ABCG8: variants seen among roughly 807,000 people sequenced by gnomAD.
ABCG8 encodes ATP-binding cassette sub-family G member 8.
Under a neutral mutation model 71.3 loss-of-function variants are expected in ABCG8, and 81 were observed. That is an observed-to-expected ratio of 1.14 (90% CI 0.95 to 1.37). The LOEUF (loss-of-function observed/expected upper bound fraction) is 1.37, where lower values mean the gene tolerates loss of function less well. Among genes scored for constraint, ABCG8 ranks in the 40% most tolerant of loss-of-function variants. The pLI, the probability that ABCG8 is intolerant of heterozygous loss-of-function variation, is 0.00. For synonymous variants in ABCG8, 451 were observed against 354.7 expected (o/e 1.27, Z -3.05); for missense variants, 1,119 against 866.2 (o/e 1.29, Z -3.66).
intron 11 of ABCG8, 47 bp from the exon 12 acceptor site, chr2:43,877,514 T>C: frequency 1.2e-6 from 2 of 1,610,938 alleles, no homozygotes; most frequent in Non-Finnish European, 1.7e-6. Context: ...GGGGAAACCA[T>C]GAGAATATGA....
At chr2:43,841,704 C>G (rs938553197) in intron 1 of ABCG8, among the ~76,000 whole-genome samples, 7 of 152,096 alleles carry the variant, frequency 4.6e-5, no homozygotes, top group African/African-American at 1.7e-4. Flanking sequence ...GGCACCTCTC[C>G]CCTTCCTCTT....
Position 43,877,775 on chromosome 2 carries a change from G to A in ABCG8, c.1885-1G>A. ...AGCCCACTGCATGTCTGTGTCTCCAGATCCTCAGTGTCATGGAGCTGGACT... is the reference window on the plus strand; with the variant it reads ...AGCCCACTGCATGTCTGTGTCTCCAAATCCTCAGTGTCATGGAGCTGGACT... On this transcript the variant is annotated splice_acceptor_variant, in intron 12 of 12. Coordinates refer to ENST00000272286, the MANE Select transcript of ABCG8 (RefSeq NM_022437.3). LOFTEE classifies it high-confidence loss of function. The A allele has an allele frequency of 6.2e-7, 1 of 1,614,162 alleles. No homozygotes were observed. Among genetic ancestry groups the A allele is most frequent in the South Asian group, 1.1e-5 (1 of 91,086 alleles).
At chr2:43,842,955 C>A (rs1173533869) in intron 1 of ABCG8, among the ~76,000 whole-genome samples, 6 of 152,186 alleles carry the variant, frequency 3.9e-5, no homozygotes, top group African/African-American at 1.4e-4. Context: ...CTGGAATGTT[C>A]TTTCCGAGAA....
intron 6 of ABCG8, among the ~76,000 whole-genome samples, chr2:43,866,544 T>C (rs1012363854): frequency 6.6e-5 from 10 of 151,944 alleles, no homozygotes; most frequent in South Asian, 2.1e-4. Flanking sequence ...AGGACATGAA[T>C]AGACACTTCT....
rs752064089 is a variant in ABCG8 at position 43,877,623 on chromosome 2, C to T, written c.1819C>T (p.Gln607Ter). ...RWCFEGLMKI[Q>*]FSRRTYKMPL... Reference sequence around the variant, plus strand: ...GTGTTTTGAAGGGCTGATGAAGATTCAGTTCAGCAGAAGAACTTATAAAAT... The same window carrying T: ...GTGTTTTGAAGGGCTGATGAAGATTTAGTTCAGCAGAAGAACTTATAAAAT... Residue 607 changes from glutamine to a stop codon, truncating the protein, a stop_gained, in exon 12 of 13, where the codon CAG becomes TAG. Transcript: ENST00000272286. LOFTEE classifies it high-confidence loss of function. 6.2e-7 allele frequency: 1 copy of T among 1,614,130 alleles called. No individual in the cohort carries two copies. The highest frequency in any genetic ancestry group is 8.5e-7 in the Non-Finnish European group (1 of 1,180,008).
Position 43,880,357 on chromosome 2 carries a change from A to G in ABCG8, c.*2444A>G, listed in dbSNP as rs1670098129. ...CCTGGCTAATTTTTGTATTTTTAGT[A>G]AAGACAGTGTTTCACCATATTGGCC... On this transcript the variant is annotated 3_prime_UTR_variant, in exon 13 of 13. Transcript: ENST00000272286. The G allele has an allele frequency of 6.6e-6, 1 of 152,054 alleles. No individual in the cohort carries two copies. The highest frequency in any genetic ancestry group is 2.1e-4 in the South Asian group (1 of 4,824). 9.4% of individuals were successfully genotyped at this position (152,054 alleles called of 1,614,324 possible). A position where few individuals can be genotyped will look rare whatever the true frequency, so the allele number is the denominator to read the frequency against.
At position 43,844,504 on chromosome 2, in the gene ABCG8, C is replaced by G. The variant is rs759377106; in HGVS notation, c.64-3C>G. On this transcript the variant is annotated splice_polypyrimidine_tract_variant and splice_region_variant and intron_variant, in intron 1 of 12. Transcript: ENST00000272286. ...AGCCCCTCATCTCTCCTGTCTCCCA[C>G]AGGGCCTCCAGGATAGATTGTTCTC... 6.2e-7 allele frequency: 1 copy of G among 1,612,654 alleles called. No homozygotes were observed. Among genetic ancestry groups the G allele is most frequent in the Non-Finnish European group, 8.5e-7 (1 of 1,178,698 alleles).
intron 3 of ABCG8, among the ~76,000 whole-genome samples, chr2:43,850,665 C>T (rs1668884337): frequency 6.6e-6 from 1 of 152,132 alleles, no homozygotes; most frequent in Admixed American, 6.5e-5. Flanking sequence ...ACCACTGATG[C>T]ACTTTGGGAG....
chr2:43,868,185 C>G (rs556231830), intron 6 of ABCG8, among the ~76,000 whole-genome samples: 12 of 151,798 alleles, frequency 7.9e-5, no homozygotes, highest in African/African-American at 2.7e-4. Flanking sequence ...CTGGATGGAA[C>G]TGTCACTATC....
chr2:43,857,358 G>A (rs907091217), intron 6 of ABCG8, among the ~76,000 whole-genome samples: 84 of 151,576 alleles, frequency 5.5e-4, no homozygotes, highest in African/African-American at 1.9e-3. Context: ...CGTATTCCTC[G>A]ATAGAACTCT....
chr2:43,842,664 T>C (rs182471238), intron 1 of ABCG8, among the ~76,000 whole-genome samples: 2 of 152,204 alleles, frequency 1.3e-5, no homozygotes, highest in African/African-American at 2.4e-5. Flanking sequence ...ACACCACCAA[T>C]TACCAAAAGC....
At position 43,877,549 on chromosome 2, in the gene ABCG8, G is replaced by A; in HGVS notation, c.1757-12G>A. The stretch of plus-strand genomic sequence containing the variant: ...AGGGACACCTGTGAGTAACGCGGCT[G>A]TCTGTCTCCAGTGCCCGCGTGGATT... On this transcript the variant is annotated splice_polypyrimidine_tract_variant and intron_variant, in intron 11 of 12. Coordinates refer to ENST00000272286, the MANE Select transcript of ABCG8 (RefSeq NM_022437.3). The A allele has an allele frequency of 6.2e-7, 1 of 1,613,616 alleles. No homozygotes were observed. Among genetic ancestry groups the A allele is most frequent in the Non-Finnish European group, 8.5e-7 (1 of 1,179,982 alleles).
At chr2:43,873,142 G>C (rs1388241944) in intron 8 of ABCG8, among the ~76,000 whole-genome samples, 5 of 151,590 alleles carry the variant, frequency 3.3e-5, no homozygotes, top group African/African-American at 7.3e-5. Context: ...TTATCTTCAG[G>C]CTTTTGCTAC....
intron 3 of ABCG8, among the ~76,000 whole-genome samples, chr2:43,849,337 G>T (rs1279662986): frequency 6.6e-6 from 1 of 152,192 alleles, no homozygotes; most frequent in Non-Finnish European, 1.5e-5. Context: ...CATGGTGGAA[G>T]GCAAAGGGGA....
intron 11 of ABCG8, among the ~76,000 whole-genome samples, chr2:43,877,150 CTGTG>C (rs1219859016): frequency 6.8e-6 from 1 of 146,004 alleles, no homozygotes. Context: ...TATGAGGAGA[CTGTG>C]TGAATATGGG....
At position 43,868,999 on chromosome 2, in the gene ABCG8, C is replaced by T. The variant is rs535345481; in HGVS notation, c.965-2977C>T. ...TCACTGTCTATCTGGATAGACTTCT[C>T]GGTCTCTGGATAGAAGTCTCAATGC... On this transcript the variant is annotated intron_variant, in intron 6 of 12. Transcript: ENST00000272286. 2.1e-4 allele frequency among the ~76,000 whole-genome samples: 31 copies of T among 144,336 alleles called. No homozygotes were observed. In the East Asian group the frequency reaches 3.3e-3, roughly 15 times the overall value. The allele number at this position is 144,336 out of a possible 152,430, so 94.7% of individuals were successfully genotyped here. A position where few individuals can be genotyped will look rare whatever the true frequency, so the allele number is the denominator to read the frequency against.
chr2:43,860,924 C>A (rs997351733), intron 6 of ABCG8, among the ~76,000 whole-genome samples: 2 of 150,898 alleles, frequency 1.3e-5, no homozygotes, highest in East Asian at 3.9e-4. Context: ...AATTCTCACT[C>A]TCTGGATAGA....
intron 6 of ABCG8, among the ~76,000 whole-genome samples, chr2:43,857,983 T>C (rs899292499): frequency 6.6e-6 from 1 of 150,840 alleles, no homozygotes; most frequent in African/African-American, 2.4e-5. Context: ...ATTCTCACTA[T>C]CTATCTATAG....
chr2:43,862,087 G>A (rs61072747), intron 6 of ABCG8, among the ~76,000 whole-genome samples: 7,493 of 149,858 alleles, frequency 0.05, 1 homozygote, highest in Middle Eastern at 0.1. Flanking sequence ...TTACTCTCTT[G>A]GTAAAAATCT....
Sources: gnomAD v4.1 joint callset for allele counts (sites outside exome capture counted in the v4.1 genomes callset) on GRCh38, gnomAD v4.1.1 for gene constraint, MANE v1.5 for transcripts, NCBI Gene and HGNC (gene_info 2026-07-23, HGNC 2026-07-21) for gene names.